The following ABCC6 variants were observed in gnomAD, a reference collection of about 807,000 sequenced individuals.
ABCC6 encodes the protein ATP-binding cassette sub-family C member 6.
In ABCC6, 126 loss-of-function variants were observed where a neutral mutation model predicts 169.5. The observed-to-expected ratio is 0.74, with a 90% confidence interval of 0.64 to 0.86. The LOEUF (loss-of-function observed/expected upper bound fraction) is 0.86. Ranked by LOEUF, ABCC6 falls within the 40% of genes least tolerant of loss-of-function variation. The pLI is 0.00. For missense variants in ABCC6, 1,733 were observed against 1,927.2 expected, an observed-to-expected ratio of 0.90 and a Z score of 1.89; for synonymous variants, 752 against 814.7, an observed-to-expected ratio of 0.92 and a Z score of 1.31.
chr16:16,184,857 A>C, intron 15 of ABCC6, 102 bp downstream of exon 15: 1 of 1,309,038 alleles, frequency 7.6e-7, no homozygotes, highest in Non-Finnish European at 1.1e-6. Context: ...CTCCAGTCCC[A>C]GGCTGGAAAC....
chr16:16,184,955 G>A lies in ABCC6; in HGVS notation c.1943+4C>T, dbSNP rs556818235. On this transcript the variant is annotated splice_donor_region_variant and intron_variant, in intron 15 of 30. Coordinates refer to ENST00000205557, the MANE Select transcript of ABCC6 (RefSeq NM_001171.6). ...GGCTGGTTACTACGGGTGTCGTTCT[G>A]TACCTGTGGAGGCAGGGAGGGCTTT... is the stretch of plus-strand genomic sequence containing the variant. 4.3e-6 allele frequency: 7 copies of A among 1,612,112 alleles called. No individual in the cohort carries two copies. The highest frequency in any genetic ancestry group is 4.0e-5 in the African/African-American group (3 of 75,010).
In ABCC6 at chr16:16,178,933, C is replaced by A; in HGVS notation, c.2280G>T (p.Arg760=). Residue 760 remains arginine, a synonymous_variant, in exon 18 of 31, where the codon CGG becomes CGT. Coordinates refer to ENST00000205557, the MANE Select transcript of ABCC6 (RefSeq NM_001171.6). ...TGTATACAGCCCGGGCCAGGCTCAG[C>A]CGCTGCTTCTGGCCTCCGGAGAGAT... ...GMNLSGGQKQ[R]LSLARAVYRK... is the part of the protein sequence containing the mutation. The A allele has an allele frequency of 6.2e-7, 1 of 1,613,376 alleles. No homozygotes were observed. The highest frequency in any genetic ancestry group is 8.5e-7 in the Non-Finnish European group (1 of 1,180,030).
In ABCC6 at chr16:16,179,334, A is replaced by T. The variant is rs1411798750; in HGVS notation, c.2248-369T>A. Among the ~76,000 whole-genome samples, 18 of 151,870 alleles carry T rather than the reference A, an allele frequency of 1.2e-4. No homozygotes were observed. The East Asian group carries it at 3.5e-3, about 29-fold the overall frequency. ...CATCCAGTGGCAGCTTTTCAGTCCT[A>T]CTTTTGTATTTTAAATTTTAATTGT... On this transcript the variant is annotated intron_variant, in intron 17 of 30. Coordinates refer to ENST00000205557, the MANE Select transcript of ABCC6 (RefSeq NM_001171.6).
rs939924526 is a variant in ABCC6, at chr16:16,187,173, G to A, written c.1818C>T (p.Cys606=). The change falls in exon 14 of 31, where the codon TGC becomes TGT. Residue 606 remains cysteine, a synonymous_variant. Transcript: ENST00000205557. ...CGACACCAGGGTCAACTTCTTCCAGGCAGAGGAAGGTGACCAGACGGTCAA... is the reference window on the plus strand; with the variant it reads ...CGACACCAGGGTCAACTTCTTCCAGACAGAGGAAGGTGACCAGACGGTCAA... The part of the protein sequence containing the change: ...VSFDRLVTFL[C]LEEVDPGVVD... 3 of 1,613,768 alleles carry A rather than the reference G, an allele frequency of 1.9e-6. No homozygotes were observed. The African/African-American group carries it at 4.0e-5, about 22-fold the overall frequency.
chr16:16,162,050 C>T (rs1385563530), intron 24 of ABCC6, among the ~76,000 whole-genome samples: 1 of 152,182 alleles, frequency 6.6e-6, no homozygotes, highest in Admixed American at 6.5e-5. Context: ...ACCTCATGCT[C>T]TCCCTCTCCT....
intron 21 of ABCC6, among the ~76,000 whole-genome samples, chr16:16,170,811 C>T (rs1023857278): frequency 2.0e-5 from 3 of 147,402 alleles, no homozygotes; most frequent in Non-Finnish European, 4.4e-5. Flanking sequence ...CCCAGCTACT[C>T]GAGAGGCTAA....
At chr16:16,177,660 T>G (rs1455236150) in intron 18 of ABCC6, 34 bp from the exon 19 acceptor site, 4 of 1,612,514 alleles carry the variant, frequency 2.5e-6, no homozygotes. Flanking sequence ...TACACACATG[T>G]GGCCGGGTGC....
chr16:16,193,791 C>T (rs1335148678), intron 10 of ABCC6, among the ~76,000 whole-genome samples: 2 of 152,326 alleles, frequency 1.3e-5, no homozygotes, highest in African/African-American at 4.8e-5. Flanking sequence ...TCCAAGAACC[C>T]TCTTTTGGGA....
intron 10 of ABCC6, among the ~76,000 whole-genome samples, chr16:16,193,828 C>T (rs939563804): frequency 5.3e-5 from 8 of 152,196 alleles, no homozygotes; most frequent in African/African-American, 1.9e-4. Context: ...TTTTCTGTAA[C>T]ACAGCTGCAG....
intron 11 of ABCC6, among the ~76,000 whole-genome samples, chr16:16,192,112 G>A (rs1339502215): frequency 1.3e-5 from 2 of 152,188 alleles, no homozygotes; most frequent in Non-Finnish European, 2.9e-5. Context: ...GGTGAGGGAA[G>A]CCGCCCTGAC....
chr16:16,173,453 G>A, intron 20 of ABCC6, 49 bp from the exon 21 acceptor site: 2 of 1,613,390 alleles, frequency 1.2e-6, no homozygotes, highest in Non-Finnish European at 1.7e-6. Flanking sequence ...TCCCAATGGT[G>A]GGGTGTATGT....
chr16:16,191,572 C>T (rs920188686), intron 11 of ABCC6, among the ~76,000 whole-genome samples: 2 of 151,894 alleles, frequency 1.3e-5, no homozygotes, highest in Non-Finnish European at 2.9e-5. Flanking sequence ...CTCCCTCTCT[C>T]TTTCCCGCCT....
chr16:16,182,075 C>A (rs2047492808), intron 17 of ABCC6: 2 of 433,998 alleles, frequency 4.6e-6, no homozygotes, highest in Non-Finnish European at 4.3e-6. Flanking sequence ...TTGGTGAGGC[C>A]CAGAGAGGGG....
At chr16:16,201,861 C>T (rs780267417) in intron 9 of ABCC6, 140 bp downstream of exon 9, 96 of 982,936 alleles carry the variant, frequency 9.8e-5, no homozygotes, top group Non-Finnish European at 1.4e-4. Context: ...AGAGAAATAA[C>T]TAAGGAAGTG....
intron 24 of ABCC6, 72 bp downstream of exon 24, chr16:16,162,921 A>G (rs555856642): frequency 9.4e-6 from 15 of 1,596,004 alleles, no homozygotes; most frequent in East Asian, 4.5e-5. Flanking sequence ...CTACCATACA[A>G]TATGACCTCA....
intron 9 of ABCC6, among the ~76,000 whole-genome samples, chr16:16,199,616 C>T (rs2048169820): frequency 7.9e-6 from 1 of 126,974 alleles, no homozygotes. Context: ...CCAGGAATGA[C>T]TGGACATAGA....
At chr16:16,168,303 C>CTCATGCCTGTG (rs1555509974) in intron 22 of ABCC6, among the ~76,000 whole-genome samples, 73 of 151,726 alleles carry the variant, frequency 4.8e-4, no homozygotes, top group Middle Eastern at 3.4e-3. Context: ...CCAGCCTGGG[C>CTCATGCCTGTG]AACACGGCGA....
At chr16:16,221,360 T>C in intron 2 of ABCC6, 2 of 1,423,012 alleles carry the variant, frequency 1.4e-6, no homozygotes, top group Admixed American at 3.0e-5. Context: ...GTCTACATGG[T>C]ATGTTTTGGA....
chr16:16,209,508 A>T (rs1298522140), intron 6 of ABCC6, among the ~76,000 whole-genome samples: 3 of 152,150 alleles, frequency 2.0e-5, no homozygotes, highest in South Asian at 4.1e-4. Flanking sequence ...AGCCCTTGGC[A>T]AGGGAAACAG....
Sources: allele counts gnomAD v4.1 joint callset (sites outside exome capture counted in the v4.1 genomes callset), GRCh38; gene constraint gnomAD v4.1.1; transcripts MANE v1.5; gene names NCBI Gene and HGNC (gene_info 2026-07-23, HGNC 2026-07-21).